The following DOCK10 variants were observed in gnomAD, a reference collection of about 807,000 sequenced individuals.
The protein encoded by DOCK10 is dedicator of cytokinesis protein 10.
DOCK10 carries 145 observed loss-of-function variants against 280.1 expected under a neutral mutation model. The ratio of observed to expected loss-of-function variants is 0.52; its 90% CI spans 0.45 to 0.59. The LOEUF (loss-of-function observed/expected upper bound fraction) is 0.59, where lower values mean the gene tolerates loss of function less well. DOCK10 is among the 20% of genes least tolerant of loss of function. The probability of loss-of-function intolerance (pLI) is 0.00; values close to 1 mark genes in which losing one functional copy is unlikely to be tolerated. For synonymous variants in DOCK10, 915 were observed against 942.2 expected (o/e 0.97, Z 0.53); for missense variants, 2,368 against 2,651.7 (o/e 0.89, Z 2.35).
chr2:224,966,079 G>T (rs553706540), intron 1 of DOCK10, among the ~76,000 whole-genome samples: 1 of 152,132 alleles, frequency 6.6e-6, no homozygotes, highest in African/African-American at 2.4e-5. Flanking sequence ...ATTGATTAAC[G>T]TTCTCCTATA....
chr2:224,990,133 C>A (rs1002394952), intron 1 of DOCK10, among the ~76,000 whole-genome samples: 1 of 152,202 alleles, frequency 6.6e-6, no homozygotes, highest in East Asian at 1.9e-4. Flanking sequence ...ATAATTCTTT[C>A]GTTGGTACAT....
chr2:224,796,507 T>C (rs905419785), intron 43 of DOCK10, 81 bp from the exon 44 acceptor site: 3 of 824,654 alleles, frequency 3.6e-6, no homozygotes, highest in East Asian at 5.4e-5. Flanking sequence ...TGGGTAAATG[T>C]ATTATTAGTT....
chr2:224,845,514 A>G lies in DOCK10; in HGVS notation c.2359+5T>C, dbSNP rs1374702120. 4 of 1,609,342 alleles carry G rather than the reference A, an allele frequency of 2.5e-6. No individual in the cohort carries two copies. In the Admixed American group the frequency reaches 5.1e-5, roughly 20 times the overall value. On this transcript the variant is annotated splice_donor_5th_base_variant and intron_variant, in intron 20 of 55. Coordinates refer to ENST00000258390, the MANE Select transcript of DOCK10 (RefSeq NM_014689.3). The stretch of plus-strand genomic sequence containing the variant: ...ACTCTGCCTCAGATTTCTTCCTGGC[A>G]GTACCTGACGTTTCCAGAGCCTCCT...
At chr2:225,001,421 C>T (rs1706427663) in intron 1 of DOCK10, among the ~76,000 whole-genome samples, 1 of 151,460 alleles carries the variant, frequency 6.6e-6, no homozygotes, top group Non-Finnish European at 1.5e-5. Context: ...TCCCAAGTAG[C>T]TGGGACTACA....
intron 1 of DOCK10, among the ~76,000 whole-genome samples, chr2:225,004,725 C>T (rs1706524328): frequency 1.3e-5 from 2 of 152,328 alleles, no homozygotes; most frequent in East Asian, 1.9e-4. Context: ...TAAGACAGAA[C>T]CAAGGATGTG....
chr2:224,861,905 A>C (rs1408135060), intron 14 of DOCK10: 2 of 152,208 alleles, frequency 1.3e-5, no homozygotes, highest in African/African-American at 2.4e-5. Context: ...TGGTAGCTCT[A>C]ACCTTTCTTA....
In DOCK10 at chr2:224,770,323, G is replaced by A. The variant is rs199583328; in HGVS notation, c.6332C>T (p.Ala2111Val). The change falls in exon 55 of 56, where the codon GCC becomes GTC. Residue 2111 changes from alanine to valine, a missense_variant. Transcript: ENST00000258390. This position sits in a 1 kb window ranked among gnomAD's most constrained non-coding sequence, Gnocchi z 4.5. ...GATGAGGCGCTCATTCACGTCAAGG[G>A]CCTGCCCACATGCATCTGCAAATTG... ...FRQFADACGQALDVNERLIKE... is the reference protein window; with the variant it reads ...FRQFADACGQVLDVNERLIKE... 1 of 1,605,182 alleles carries A rather than the reference G, an allele frequency of 6.2e-7. No homozygotes were observed. Among genetic ancestry groups the A allele is most frequent in the Non-Finnish European group, 8.5e-7 (1 of 1,176,320 alleles).
chr2:225,018,873 G>A (rs545567519), intron 1 of DOCK10, among the ~76,000 whole-genome samples: 1 of 145,026 alleles, frequency 6.9e-6, no homozygotes, highest in Non-Finnish European at 1.5e-5. Context: ...ATATACATAT[G>A]TATATCATTA....
At chr2:224,953,326 T>C (rs1160144502) in intron 1 of DOCK10, among the ~76,000 whole-genome samples, 1 of 152,216 alleles carries the variant, frequency 6.6e-6, no homozygotes, top group Non-Finnish European at 1.5e-5. Context: ...CCAGTAGATT[T>C]CCCCATTTGC....
Position 224,864,615 on chromosome 2 carries a change from C to A in DOCK10, c.1540G>T (p.Val514Phe). The change falls in exon 13 of 56, where the codon GTC (valine) becomes TTC (phenylalanine). Residue 514 changes from valine to phenylalanine, a missense_variant. Physicochemically the swap from Val to Phe is conservative, Grantham distance 50. Transcript: ENST00000258390. ...EIVLVAKIEK[V>F]LMGNIASGAE... The stretch of plus-strand genomic sequence containing the variant: ...CCACTTGCAATGTTTCCCATCAAGA[C>A]TTTTTCGATTTTGGCCACCAAAACA... 6.2e-7 allele frequency: 1 copy of A among 1,613,450 alleles called. No homozygotes were observed. The highest frequency in any genetic ancestry group is 8.5e-7 in the Non-Finnish European group (1 of 1,179,774).
chr2:224,871,539 A>G (rs1226484996), intron 11 of DOCK10, among the ~76,000 whole-genome samples: 1 of 152,182 alleles, frequency 6.6e-6, no homozygotes, highest in East Asian at 1.9e-4. Flanking sequence ...CACACTTAGG[A>G]TAAATTCAAA....
At chr2:224,883,750 G>A (rs1171312226) in intron 7 of DOCK10, among the ~76,000 whole-genome samples, 1 of 152,184 alleles carries the variant, frequency 6.6e-6, no homozygotes, top group Non-Finnish European at 1.5e-5. Flanking sequence ...CACAATCTAA[G>A]TAAGAGATGA....
rs200577403 is a variant in DOCK10 at position 224,770,237 on chromosome 2, C to T, written c.6418G>A (p.Glu2140Lys). The T allele has an allele frequency of 7.3e-5, 117 of 1,597,926 alleles. No homozygotes were observed. The highest frequency in any genetic ancestry group is 9.5e-5 in the Non-Finnish European group (111 of 1,172,552). Residue 2140 changes from glutamate to lysine, a missense_variant, in exon 55 of 56, where the codon GAA (glutamate) becomes AAA (lysine). Coordinates refer to ENST00000258390, the MANE Select transcript of DOCK10 (RefSeq NM_014689.3). This position sits in a 1 kb window ranked among gnomAD's most constrained non-coding sequence, Gnocchi z 4.5. ...TGCTCATTCATGACTGTGGAGAGTT[C>T]GCTGAGCATGTCCTTGTAGTGGGAC... The part of the protein sequence containing the change: ...LRSHYKDMLS[E>K]LSTVMNEQIT...
rs911363707 is a variant in DOCK10 at position 224,967,224 on chromosome 2, G to T, written c.124-35556C>A. Among the ~76,000 whole-genome samples, 14 of 152,070 alleles carry T rather than the reference G, an allele frequency of 9.2e-5. No homozygotes were observed. In the East Asian group the frequency reaches 9.7e-4, roughly 11 times the overall value. The stretch of plus-strand genomic sequence containing the variant: ...CCTCCCGAGTAGTTGGGACTACAGG[G>T]GCCCACCACCATGTCCGGCTAATTT... On this transcript the variant is annotated intron_variant, in intron 1 of 55. Transcript: ENST00000258390.
chr2:224,874,487 A>C, intron 9 of DOCK10, 138 bp from the exon 10 acceptor site: 1 of 925,670 alleles, frequency 1.1e-6, no homozygotes, highest in Non-Finnish European at 1.6e-6. Context: ...AATCTTGTAA[A>C]AGTATGTTTC....
At chr2:224,920,907 T>C (rs1303558852) in intron 2 of DOCK10, among the ~76,000 whole-genome samples, 12 of 150,690 alleles carry the variant, frequency 8.0e-5, no homozygotes, top group African/African-American at 2.9e-4. Context: ...CACTCCCTGT[T>C]CCATCTATGT....
At chr2:224,882,213 A>AGAAT (rs1391215008) in intron 7 of DOCK10, among the ~76,000 whole-genome samples, 1 of 152,212 alleles carries the variant, frequency 6.6e-6, no homozygotes, top group Non-Finnish European at 1.5e-5. Flanking sequence ...AATGAATGTG[A>AGAAT]GAATGAATGA....
chr2:225,033,484 C>T (rs777958332), intron 1 of DOCK10, among the ~76,000 whole-genome samples: 7 of 152,114 alleles, frequency 4.6e-5, no homozygotes, highest in East Asian at 1.9e-4. Context: ...TGCCCAGCTG[C>T]GACTGTTAAT....
At chr2:225,026,901 T>C (rs183001098) in intron 1 of DOCK10, among the ~76,000 whole-genome samples, 3 of 152,324 alleles carry the variant, frequency 2.0e-5, no homozygotes, top group Admixed American at 6.5e-5. Flanking sequence ...TGACCAGATA[T>C]ATAGTGAATC....
Sources: gnomAD v4.1 joint callset for allele counts (sites outside exome capture counted in the v4.1 genomes callset) on GRCh38, gnomAD v4.1.1 for gene constraint, Gnocchi (gnomAD v3.1) non-coding constraint, MANE v1.5 for transcripts, NCBI Gene and HGNC (gene_info 2026-07-23, HGNC 2026-07-21) for gene names.